Variants in PLCB1 observed in about 807,000 individuals in gnomAD.
PLCB1 encodes phospholipase C beta 1, also known as 1-phosphatidylinositol 4,5-bisphosphate phosphodiesterase beta-1.
A neutral mutation model predicts 161.8 loss-of-function variants in PLCB1; 46 were observed. The observed-to-expected ratio is 0.28, with a 90% CI of 0.22 to 0.36. The LOEUF (loss-of-function observed/expected upper bound fraction) is 0.36, where lower values mean the gene tolerates loss of function less well. Ranked by LOEUF, PLCB1 falls within the 10% of genes least tolerant of loss-of-function variation. The pLI is 1.00. For missense variants in PLCB1, 1,016 were observed against 1,472.5 expected (o/e 0.69, Z 5.07); for synonymous variants, 517 against 503.7 (o/e 1.03, Z -0.35).
chr20:8,178,465 T>G (rs1287730075), intron 2 of PLCB1, among the ~76,000 whole-genome samples: 2 of 152,234 alleles, frequency 1.3e-5, no homozygotes, highest in Non-Finnish European at 2.9e-5. Flanking sequence ...TCTCTGTTCA[T>G]GTCCTCTGCC....
chr20:8,453,053 G>T (rs1372407106), intron 3 of PLCB1, among the ~76,000 whole-genome samples: 3 of 152,146 alleles, frequency 2.0e-5, no homozygotes, highest in African/African-American at 7.2e-5. Flanking sequence ...TTTGCATCAT[G>T]GTTTCTTCTC....
At chr20:8,688,747 C>T (rs1990410779) in intron 10 of PLCB1, among the ~76,000 whole-genome samples, 1 of 152,064 alleles carries the variant, frequency 6.6e-6, no homozygotes, top group African/African-American at 2.4e-5. Context: ...GGTGACTATG[C>T]CCTTAGAGTA....
At chr20:8,506,871 T>G (rs1442912001) in intron 3 of PLCB1, among the ~76,000 whole-genome samples, 1 of 152,186 alleles carries the variant, frequency 6.6e-6, no homozygotes, top group Non-Finnish European at 1.5e-5. Flanking sequence ...AAATATTACA[T>G]AGGTCTATTC....
chr20:8,462,818 C>T (rs1600087102), intron 3 of PLCB1, among the ~76,000 whole-genome samples: 2 of 152,022 alleles, frequency 1.3e-5, no homozygotes, highest in South Asian at 2.1e-4. Context: ...AAGGCTTAGA[C>T]GCAAAACACT....
At chr20:8,673,239 A>C (rs1487993409) in intron 9 of PLCB1, among the ~76,000 whole-genome samples, 2 of 152,074 alleles carry the variant, frequency 1.3e-5, no homozygotes, top group Non-Finnish European at 2.9e-5. Flanking sequence ...AGGAAATTCT[A>C]CCAGGGCTGA....
At chr20:8,547,525 C>T (rs1235343184) in intron 3 of PLCB1, among the ~76,000 whole-genome samples, 1 of 150,956 alleles carries the variant, frequency 6.6e-6, no homozygotes, top group East Asian at 1.9e-4. Context: ...TCCTTTTTAC[C>T]TCCCTCTTCC....
chr20:8,811,956 A>T (rs953128881), intron 31 of PLCB1, among the ~76,000 whole-genome samples: 4 of 152,250 alleles, frequency 2.6e-5, no homozygotes, highest in African/African-American at 9.6e-5. Context: ...AGGTCGAGTC[A>T]TAGCTCCAGG....
intron 3 of PLCB1, among the ~76,000 whole-genome samples, chr20:8,378,465 C>A (rs763873133): frequency 5.9e-5 from 9 of 152,142 alleles, no homozygotes; most frequent in Non-Finnish European, 1.0e-4. Flanking sequence ...TCTTAAAAAT[C>A]AGTTATTTTT....
intron 3 of PLCB1, among the ~76,000 whole-genome samples, chr20:8,478,450 T>C (rs1982371690): frequency 6.6e-6 from 1 of 152,078 alleles, no homozygotes; most frequent in South Asian, 2.1e-4. Context: ...AGATTTAAGA[T>C]GTGGACATTC....
chr20:8,300,979 C>T (rs1296885266), intron 2 of PLCB1, among the ~76,000 whole-genome samples: 2 of 152,196 alleles, frequency 1.3e-5, no homozygotes. Context: ...GGGAAATGTA[C>T]CAGTTCCCGA....
chr20:8,169,357 C>G (rs1350025302), intron 2 of PLCB1, among the ~76,000 whole-genome samples: 2 of 152,150 alleles, frequency 1.3e-5, no homozygotes, highest in Non-Finnish European at 2.9e-5. Flanking sequence ...TTAACTCATT[C>G]TGAGCTTCCA....
chr20:8,804,438 C>CA (rs11087825), intron 31 of PLCB1, among the ~76,000 whole-genome samples: 151,977 of 152,316 alleles, frequency 1, 75,819 homozygotes, highest in Middle Eastern at 1. Context: ...TAGCTTTCCA[C>CA]TATAAAAGAT....
chr20:8,588,209 T>G (rs942967428), intron 3 of PLCB1, among the ~76,000 whole-genome samples: 2 of 152,216 alleles, frequency 1.3e-5, no homozygotes, highest in Non-Finnish European at 2.9e-5. Flanking sequence ...GTACCTGGTC[T>G]GAAGAGGCCT....
intron 3 of PLCB1, among the ~76,000 whole-genome samples, chr20:8,420,304 C>A (rs554700550): frequency 1.3e-5 from 2 of 152,292 alleles, no homozygotes; most frequent in East Asian, 3.8e-4. Flanking sequence ...TTGCAAGAGG[C>A]AGAACTCAGA....
chr20:8,739,520 TGTA>T (rs1416851637), intron 21 of PLCB1, among the ~76,000 whole-genome samples, 160 bp downstream of exon 21: 2 of 152,266 alleles, frequency 1.3e-5, no homozygotes, highest in East Asian at 3.8e-4. Context: ...TGTGACATGT[TGTA>T]GTATTAATGT....
At chr20:8,187,982 A>G (rs915987677) in intron 2 of PLCB1, among the ~76,000 whole-genome samples, 2 of 152,112 alleles carry the variant, frequency 1.3e-5, no homozygotes, top group Non-Finnish European at 2.9e-5. Context: ...TCTCTGTGGC[A>G]TGTAACAGTG....
At chr20:8,800,350 G>T (rs1056351583) in intron 31 of PLCB1, among the ~76,000 whole-genome samples, 2 of 152,156 alleles carry the variant, frequency 1.3e-5, no homozygotes, top group Non-Finnish European at 2.9e-5. Context: ...AGTGTTCTGT[G>T]TTTATTATAA....
intron 2 of PLCB1, among the ~76,000 whole-genome samples, chr20:8,352,287 C>T (rs1431258539): frequency 1.3e-5 from 2 of 151,890 alleles, no homozygotes; most frequent in Non-Finnish European, 2.9e-5. Context: ...AAGGCAATGC[C>T]ATAGAGAGGG....
rs571834593 is a variant in PLCB1, at chr20:8,809,492, C to T, written c.3423+19231C>T. 2.6e-5 allele frequency among the ~76,000 whole-genome samples: 4 copies of T among 152,230 alleles called. No individual in the cohort carries two copies. The South Asian group carries it at 8.3e-4, about 32-fold the overall frequency. On this transcript the variant is annotated intron_variant, in intron 31 of 31. Coordinates refer to ENST00000338037, the MANE Select transcript of PLCB1 (RefSeq NM_015192.4). ...CACGACTTTGTTACTTTGAGACTGG[C>T]TCTGGGCAAGTATTTACACCATTGA... is the stretch of plus-strand genomic sequence containing the variant.
Sources: allele counts gnomAD v4.1 joint callset (sites outside exome capture counted in the v4.1 genomes callset), GRCh38; gene constraint gnomAD v4.1.1; transcripts MANE v1.5; gene names NCBI Gene and HGNC (gene_info 2026-07-23, HGNC 2026-07-21).